CTNNA3: variants seen among roughly 807,000 people sequenced by gnomAD.
CTNNA3 encodes catenin alpha 3.
A neutral mutation model predicts 95.7 loss-of-function variants in CTNNA3; 76 were observed. The observed-to-expected ratio is 0.79, with a 90% CI of 0.66 to 0.96. The LOEUF is 0.96. Ranked by LOEUF, CTNNA3 falls within the 40% of genes least tolerant of loss-of-function variation. The probability of loss-of-function intolerance (pLI) is 0.00; values close to 1 mark genes in which losing one functional copy is unlikely to be tolerated. For missense variants in CTNNA3, 1,191 were observed against 1,089.8 expected (o/e 1.09, Z -1.31); for synonymous variants, 431 against 374.4 (o/e 1.15, Z -1.74).
At chr10:67,671,684 T>TGAACTCATC (rs1840437530) in intron 1 of CTNNA3, among the ~76,000 whole-genome samples, 1 of 151,838 alleles carries the variant, frequency 6.6e-6, no homozygotes, top group South Asian at 2.1e-4. Flanking sequence ...ACAAAGGACA[T>TGAACTCATC]GAACTCATCA....
intron 5 of CTNNA3, among the ~76,000 whole-genome samples, chr10:67,455,858 A>C (rs2132977986): frequency 6.6e-6 from 1 of 152,300 alleles, no homozygotes; most frequent in African/African-American, 2.4e-5. Context: ...GGCACAGAAA[A>C]GACATTAAAG....
chr10:66,732,515 T>C (rs576086330), intron 9 of CTNNA3, among the ~76,000 whole-genome samples: 1 of 152,152 alleles, frequency 6.6e-6, no homozygotes, highest in South Asian at 2.1e-4. Flanking sequence ...CCTAGAAAAC[T>C]TACAATGATG....
intron 7 of CTNNA3, among the ~76,000 whole-genome samples, chr10:66,785,424 G>T (rs2132859064): frequency 6.6e-6 from 1 of 152,322 alleles, no homozygotes; most frequent in Middle Eastern, 3.4e-3. Context: ...CATCTAATCT[G>T]TTGAGGGGCT....
intron 15 of CTNNA3, among the ~76,000 whole-genome samples, chr10:66,002,903 C>T (rs538652587): frequency 6.6e-6 from 1 of 152,324 alleles, no homozygotes; most frequent in South Asian, 2.1e-4. Flanking sequence ...GAACTCACAG[C>T]ATTGCCTTTG....
chr10:66,236,903 C>T (rs1482037097), intron 13 of CTNNA3, among the ~76,000 whole-genome samples: 3 of 151,308 alleles, frequency 2.0e-5, no homozygotes, highest in Non-Finnish European at 4.4e-5. Context: ...CGGTTTGAGC[C>T]CAAGAGTTCG....
At chr10:65,995,932 A>G (rs2078647091) in intron 15 of CTNNA3, among the ~76,000 whole-genome samples, 1 of 152,106 alleles carries the variant, frequency 6.6e-6, no homozygotes, top group Non-Finnish European at 1.5e-5. Context: ...GGCCTCCTCC[A>G]TTGTGCACAC....
intron 15 of CTNNA3, among the ~76,000 whole-genome samples, chr10:66,030,935 A>G (rs1287342199): frequency 6.6e-6 from 1 of 151,810 alleles, no homozygotes; most frequent in African/African-American, 2.4e-5. Context: ...AAACATACAT[A>G]TGAAAAAAAT....
intron 1 of CTNNA3, among the ~76,000 whole-genome samples, chr10:67,692,134 C>T (rs74635126): frequency 1.3e-5 from 2 of 151,336 alleles, no homozygotes; most frequent in Non-Finnish European, 3.0e-5. Context: ...CAGCCCCCTG[C>T]CCGGCCAGCC....
At chr10:67,509,266 T>C (rs1177582838) in intron 5 of CTNNA3, among the ~76,000 whole-genome samples, 1 of 151,972 alleles carries the variant, frequency 6.6e-6, no homozygotes, top group Non-Finnish European at 1.5e-5. Context: ...TAGGTATACA[T>C]GTGCCATGTT....
At chr10:66,922,109 A>G (rs1453025541) in intron 7 of CTNNA3, among the ~76,000 whole-genome samples, 2 of 152,340 alleles carry the variant, frequency 1.3e-5, no homozygotes, top group East Asian at 1.9e-4. Context: ...TTGAAGTCCT[A>G]TAAGCACAAT....
chr10:67,465,855 G>A (rs968745986), intron 5 of CTNNA3, among the ~76,000 whole-genome samples: 7 of 151,976 alleles, frequency 4.6e-5, no homozygotes, highest in Admixed American at 2.0e-4. Flanking sequence ...CCCCCACATC[G>A]AAAGACACTG....
chr10:66,386,659 A>G (rs1320552149), intron 11 of CTNNA3, among the ~76,000 whole-genome samples: 1 of 152,186 alleles, frequency 6.6e-6, no homozygotes, highest in East Asian at 1.9e-4. Flanking sequence ...AGCAAAAATA[A>G]CAAAGCTGGA....
intron 7 of CTNNA3, among the ~76,000 whole-genome samples, chr10:66,867,685 C>T (rs1037423586): frequency 9.9e-5 from 15 of 151,836 alleles, no homozygotes; most frequent in Non-Finnish European, 4.4e-5. Flanking sequence ...CTCACCATGT[C>T]GTTATTGGGA....
chr10:66,609,055 A>G (rs1194503037), intron 10 of CTNNA3, among the ~76,000 whole-genome samples: 2 of 151,844 alleles, frequency 1.3e-5, no homozygotes, highest in Non-Finnish European at 2.9e-5. Context: ...ACAAAGGTCT[A>G]TTATCTTTTT....
At chr10:66,632,240 C>A (rs1041112739) in intron 9 of CTNNA3, among the ~76,000 whole-genome samples, 3 of 151,834 alleles carry the variant, frequency 2.0e-5, no homozygotes, top group African/African-American at 7.3e-5. Context: ...ATATGAAAGG[C>A]TGGCAAATAA....
chr10:67,464,395 T>G (rs999180501), intron 5 of CTNNA3, among the ~76,000 whole-genome samples: 2 of 152,188 alleles, frequency 1.3e-5, no homozygotes, highest in Non-Finnish European at 1.5e-5. Flanking sequence ...TTCTTGTGAC[T>G]TTTCAAATAA....
At chr10:66,113,767 A>T (rs1182828022) in intron 13 of CTNNA3, among the ~76,000 whole-genome samples, 1 of 152,198 alleles carries the variant, frequency 6.6e-6, no homozygotes, top group Non-Finnish European at 1.5e-5. Context: ...ACAATTTTAG[A>T]TCACAAATCT....
At chr10:66,048,480 G>A (rs1267803922) in intron 15 of CTNNA3, among the ~76,000 whole-genome samples, 1 of 152,056 alleles carries the variant, frequency 6.6e-6, no homozygotes, top group Non-Finnish European at 1.5e-5. Context: ...TCAACTCAAG[G>A]CTCAGCGCGG....
chr10:66,544,146 C>A (rs1181612720), intron 10 of CTNNA3, among the ~76,000 whole-genome samples: 2 of 151,428 alleles, frequency 1.3e-5, no homozygotes, highest in Admixed American at 1.3e-4. Context: ...CTATTATGTC[C>A]CCTTTGGCAT....
Sources: gnomAD v4.1 joint callset for allele counts (sites outside exome capture counted in the v4.1 genomes callset) on GRCh38, gnomAD v4.1.1 for gene constraint, MANE v1.5 for transcripts, NCBI Gene and HGNC (gene_info 2026-07-23, HGNC 2026-07-21) for gene names.